GRIN2D: variants seen among roughly 807,000 people sequenced by gnomAD.
GRIN2D encodes glutamate ionotropic receptor NMDA type subunit 2D.
In GRIN2D, 37 loss-of-function variants were observed where a neutral mutation model predicts 103.2. The observed-to-expected ratio is 0.36, with a 90% confidence interval of 0.28 to 0.47. The LOEUF (loss-of-function observed/expected upper bound fraction) is 0.47, where lower values mean the gene tolerates loss of function less well. GRIN2D is among the 20% of genes least tolerant of loss of function. GRIN2D has a pLI of 1.00. For synonymous variants in GRIN2D, 845 were observed against 885.6 expected (o/e 0.95, Z 0.81); for missense variants, 1,557 against 1,910.6 (o/e 0.81, Z 3.45).
rs201727209 is a variant in GRIN2D, at chr19:48,404,958, C to G, written c.690C>G (p.Ala230=). The part of the protein sequence containing the change: ...ALTLDPGAGE[A]VLSAQLRSVS... ...CGCTGGACCCTGGGGCGGGCGAGGC[C>G]GTGCTCAGTGCCCAGCTCCGCAGTG... The change falls in exon 4 of 14, where the codon GCC becomes GCG. Residue 230 remains alanine (A), a synonymous_variant. Coordinates refer to ENST00000263269, the MANE Select transcript of GRIN2D (RefSeq NM_000836.4). The G allele has an allele frequency of 8.1e-5, 131 of 1,612,412 alleles. 1 individual carries two copies. In the East Asian group the frequency reaches 2.3e-3, roughly 29 times the overall value.
chr19:48,434,281 T>C (rs1304214808), intron 11 of GRIN2D, among the ~76,000 whole-genome samples: 2 of 151,834 alleles, frequency 1.3e-5, no homozygotes, highest in Non-Finnish European at 1.5e-5. Context: ...TGAGATGCAG[T>C]CTCGCTCTGT....
chr19:48,428,239 G>A (rs1971111428), intron 11 of GRIN2D, among the ~76,000 whole-genome samples: 1 of 151,642 alleles, frequency 6.6e-6, no homozygotes, highest in Admixed American at 6.6e-5. Context: ...TTTTTGCCAT[G>A]TTGGCCAGGC....
chr19:48,411,319 C>T (rs535214517), intron 4 of GRIN2D, among the ~76,000 whole-genome samples: 7 of 130,682 alleles, frequency 5.4e-5, no homozygotes, highest in East Asian at 2.2e-4. Context: ...AGTGAGACCC[C>T]GTCTCAAAAT....
At chr19:48,415,054 G>A (rs746126040) in intron 7 of GRIN2D, 22 bp downstream of exon 7, 2 of 1,558,592 alleles carry the variant, frequency 1.3e-6, no homozygotes, top group Admixed American at 1.8e-5. Context: ...GACGGGAGGC[G>A]GGGAATCTTC....
chr19:48,435,659 G>T (rs898588779), intron 11 of GRIN2D, among the ~76,000 whole-genome samples: 6 of 152,146 alleles, frequency 3.9e-5, no homozygotes, highest in Non-Finnish European at 7.3e-5. Flanking sequence ...TGGCCAAGCT[G>T]GTTATGAACT....
chr19:48,418,579 A>C (rs1171023347), intron 8 of GRIN2D, among the ~76,000 whole-genome samples: 1 of 152,102 alleles, frequency 6.6e-6, no homozygotes, highest in Non-Finnish European at 1.5e-5. Context: ...CCTGTTGGCC[A>C]TGAGAATGGA....
chr19:48,409,710 G>A (rs1184272677), intron 4 of GRIN2D, among the ~76,000 whole-genome samples: 6 of 152,180 alleles, frequency 3.9e-5, no homozygotes, highest in East Asian at 1.9e-4. Context: ...TATGAGTAGC[G>A]GATGGAGAGG....
intron 11 of GRIN2D, among the ~76,000 whole-genome samples, chr19:48,430,340 A>G (rs1344145692): frequency 6.6e-6 from 1 of 152,144 alleles, no homozygotes; most frequent in Non-Finnish European, 1.5e-5. Flanking sequence ...GCTGGACTAC[A>G]GGCGTGCGCC....
In GRIN2D at chr19:48,400,602, G is replaced by T. The variant is rs117198162; in HGVS notation, c.465+1745G>T. ...CATTGTCCGCTGGGCACTGCGGTCG[G>T]CTCAGTGTACGCCCATAGCATTCTG... On this transcript the variant is annotated intron_variant, in intron 3 of 13. Coordinates refer to ENST00000263269, the MANE Select transcript of GRIN2D (RefSeq NM_000836.4). Among the ~76,000 whole-genome samples the T allele has an allele frequency of 8.6e-4, 131 of 152,290 alleles. 1 individual carries two copies. In the East Asian group the frequency reaches 0.024, roughly 28 times the overall value.
Position 48,443,199 on chromosome 19 carries a change from C to T in GRIN2D, c.3273C>T (p.Ala1091=), listed in dbSNP as rs1438965950. ...GTGGAGGGAP[A]APPPCRAAPP... ...GGGGCGCAGGCGGAGGAGCCCCGGC[C>T]GCTCCGCCCCCGTGCCGCGCCGCGC... The change falls in exon 14 of 14, where the codon GCC becomes GCT. Residue 1091 remains alanine (A), a synonymous_variant. Transcript: ENST00000263269. This position sits in a 1 kb window ranked among gnomAD's most constrained non-coding sequence, Gnocchi z 8.9. 12 of 1,191,224 alleles carry T rather than the reference C, an allele frequency of 1.0e-5. No homozygotes were observed. Among genetic ancestry groups the T allele is most frequent in the Non-Finnish European group, 1.2e-5 (11 of 950,990 alleles). 73.8% of individuals were successfully genotyped at this position (1,191,224 alleles called of 1,614,324 possible).
At chr19:48,425,899 T>C (rs1316886847) in intron 11 of GRIN2D, among the ~76,000 whole-genome samples, 83 of 152,302 alleles carry the variant, frequency 5.4e-4, no homozygotes, top group Non-Finnish European at 1.3e-4. Flanking sequence ...GATTAAGGTA[T>C]GGTGAATTTC....
chr19:48,403,104 CAGG>C (rs1287413359), intron 3 of GRIN2D, among the ~76,000 whole-genome samples: 2 of 148,714 alleles, frequency 1.3e-5, no homozygotes, highest in Admixed American at 7.0e-5. Flanking sequence ...AAGGCTGAGG[CAGG>C]AGAATTGCTT....
chr19:48,437,668 T>C (rs965672180), intron 11 of GRIN2D, among the ~76,000 whole-genome samples: 11 of 152,152 alleles, frequency 7.2e-5, no homozygotes, highest in Admixed American at 2.6e-4. Context: ...ACTCCTCCCA[T>C]CTTATCCCAG....
chr19:48,410,296 G>C (rs1462479973), intron 4 of GRIN2D, among the ~76,000 whole-genome samples: 5 of 150,478 alleles, frequency 3.3e-5, no homozygotes, highest in Non-Finnish European at 7.4e-5. Context: ...TTGGGAGGCC[G>C]AGGCGGGCGG....
At position 48,443,164 on chromosome 19, in the gene GRIN2D, G is replaced by T; in HGVS notation, c.3238G>T (p.Gly1080Trp). The change falls in exon 14 of 14, where the codon GGG becomes TGG. Residue 1080 changes from glycine to tryptophan, a missense_variant. Physicochemically the swap from Gly to Trp is radical, Grantham distance 184. Transcript: ENST00000263269. This position sits in a 1 kb window ranked among gnomAD's most constrained non-coding sequence, Gnocchi z 8.9. ...GCTGGGGCCAGGCGCGGGCGGCGCGGGGGGCACGGGGGGCGCAGGCGGAGG... is the reference window on the plus strand; with the variant it reads ...GCTGGGGCCAGGCGCGGGCGGCGCGTGGGGCACGGGGGGCGCAGGCGGAGG... Reference protein sequence around the residue: ...PLLGPGAGGAGGTGGAGGGAP... With the variant: ...PLLGPGAGGAWGTGGAGGGAP... 1 of 1,010,008 alleles carries T rather than the reference G, an allele frequency of 9.9e-7. No homozygotes were observed. Among genetic ancestry groups the T allele is most frequent in the South Asian group, 4.5e-5 (1 of 22,248 alleles). 62.6% of individuals were successfully genotyped at this position (1,010,008 alleles called of 1,614,324 possible). A position where few individuals can be genotyped will look rare whatever the true frequency, so the allele number is the denominator to read the frequency against.
At chr19:48,427,055 C>T (rs576044268) in intron 11 of GRIN2D, among the ~76,000 whole-genome samples, 1 of 152,168 alleles carries the variant, frequency 6.6e-6, no homozygotes, top group Admixed American at 6.5e-5. Flanking sequence ...CACAGTGGCT[C>T]ATGCCTGTAA....
chr19:48,420,376 C>G (rs868856005), intron 10 of GRIN2D, among the ~76,000 whole-genome samples: 1 of 151,502 alleles, frequency 6.6e-6, no homozygotes, highest in Non-Finnish European at 1.5e-5. Flanking sequence ...TGCAGTGAGC[C>G]GAGATCGCCC....
At chr19:48,429,266 C>T (rs1971127525) in intron 11 of GRIN2D, among the ~76,000 whole-genome samples, 1 of 152,158 alleles carries the variant, frequency 6.6e-6, no homozygotes, top group South Asian at 2.1e-4. Flanking sequence ...CACTCTGTCA[C>T]CCAGGCTGGA....
In GRIN2D at chr19:48,419,218, A is replaced by G; in HGVS notation, c.1736-16A>G. On this transcript the variant is annotated splice_polypyrimidine_tract_variant and intron_variant, in intron 8 of 13. Coordinates refer to ENST00000263269, the MANE Select transcript of GRIN2D (RefSeq NM_000836.4). The stretch of plus-strand genomic sequence containing the variant: ...TTGCTTGGCTGAGCCATAACCACGC[A>G]CTCCCTTGTCCCCAGAGCCCTACAG... 1 of 1,593,146 alleles carries G rather than the reference A, an allele frequency of 6.3e-7. No homozygotes were observed. Among genetic ancestry groups the G allele is most frequent in the Non-Finnish European group, 8.5e-7 (1 of 1,174,428 alleles).
Sources: gnomAD v4.1 joint callset for allele counts (sites outside exome capture counted in the v4.1 genomes callset) on GRCh38, gnomAD v4.1.1 for gene constraint, Gnocchi (gnomAD v3.1) non-coding constraint, MANE v1.5 for transcripts, NCBI Gene and HGNC (gene_info 2026-07-23, HGNC 2026-07-21) for gene names.